ZNF674: variants seen among roughly 807,000 people sequenced by gnomAD.
The protein encoded by ZNF674 is zinc finger family member 674.
Under a neutral mutation model 7.0 loss-of-function variants are expected in ZNF674, and 2 were observed. The observed-to-expected ratio is 0.29, with a 90% confidence interval of 0.12 to 0.90. The LOEUF (loss-of-function observed/expected upper bound fraction) is 0.90, where lower values mean the gene tolerates loss of function less well. Ranked by LOEUF, ZNF674 falls within the 40% of genes least tolerant of loss-of-function variation. The pLI is 0.57. For missense variants in ZNF674, 297 were observed against 415.5 expected (o/e 0.71, Z 2.48); for synonymous variants, 103 against 145.2 (o/e 0.71, Z 2.09).
intron 3 of ZNF674, among the ~76,000 whole-genome samples, chrX:46,529,923 G>T (rs191628209): frequency 2.9e-3 from 320 of 111,408 alleles, no homozygotes; most frequent in Middle Eastern, 0.019. Flanking sequence ...AATCAATCAT[G>T]ACAAACCGTT....
intron 1 of ZNF674, among the ~76,000 whole-genome samples, chrX:46,545,071 T>C (rs747880935): frequency 1.3e-4 from 15 of 111,822 alleles, no homozygotes; most frequent in Non-Finnish European, 2.3e-4. Context: ...CCGTTTTCTC[T>C]CTATAACATG....
chrX:46,501,180 CA>C lies in ZNF674; in HGVS notation c.393del (p.Phe131LeufsTer4). ...TTAGGGAGTCTTTGTTTTACAGAAACAAAGTCTGTGTTGAGATAAATGATTT... is the reference window on the plus strand; with the variant it reads ...TTAGGGAGTCTTTGTTTTACAGAAACAAGTCTGTGTTGAGATAAATGATTT... ...CRKIIYLNTDFVSVKQRLPKY... is the reference protein window; with the variant it reads ...CRKIIYLNTDXVSVKQRLPKY... On this transcript the variant is annotated frameshift_variant, in exon 6 of 6. Coordinates refer to ENST00000683375, the MANE Select transcript of ZNF674 (RefSeq NM_001190417.2). LOFTEE classifies it low-confidence loss of function (END_TRUNC). The C allele has an allele frequency of 8.3e-7, 1 of 1,209,659 alleles. No homozygotes were observed. Among genetic ancestry groups the C allele is most frequent in the Non-Finnish European group, 1.1e-6 (1 of 894,400 alleles).
rs150754242 is a variant in ZNF674, at chrX:46,531,357, G to A, written c.16-2448C>T. ...TAATCAAACACCAGGAGGGAGTCAA[G>A]GGAACCCCTGATTTGTGTCCCATCA... On this transcript the variant is annotated intron_variant, in intron 3 of 5. Coordinates refer to ENST00000683375, the MANE Select transcript of ZNF674 (RefSeq NM_001190417.2). Among the ~76,000 whole-genome samples the A allele has an allele frequency of 2.9e-4, 33 of 112,053 alleles. No homozygotes were observed. The East Asian group carries it at 8.7e-3, about 29-fold the overall frequency.
At chrX:46,505,768 T>TCACACACA (rs56158505) in intron 5 of ZNF674, among the ~76,000 whole-genome samples, 1,191 of 100,172 alleles carry the variant, frequency 0.012, 16 homozygotes, top group African/African-American at 0.031. Flanking sequence ...CAAAACTCTG[T>TCACACACA]CACACACACA....
rs577705191 is a variant in ZNF674, at chrX:46,514,576, T to C, written c.239-13241A>G. Among the ~76,000 whole-genome samples, 8 of 111,818 alleles carry C rather than the reference T, an allele frequency of 7.2e-5. No homozygotes were observed. In the South Asian group the frequency reaches 3.0e-3, roughly 42 times the overall value. The stretch of plus-strand genomic sequence containing the variant: ...AGTGGCCCTTCCTGCATCAAGGAAA[T>C]TGCAGTCAGGGGACTCCAGCTAGGA... On this transcript the variant is annotated intron_variant, in intron 5 of 5. Coordinates refer to ENST00000683375, the MANE Select transcript of ZNF674 (RefSeq NM_001190417.2).
In ZNF674 at chrX:46,500,322, T is replaced by C; in HGVS notation, c.1252A>G (p.Ser418Gly). The change falls in exon 6 of 6, where the codon AGT becomes GGT. Residue 418 changes from serine (S) to glycine (G), a missense_variant. By Grantham distance (56) the Ser-to-Gly change is moderately conservative. Coordinates refer to ENST00000683375, the MANE Select transcript of ZNF674 (RefSeq NM_001190417.2). ...YECSICGKTF[S>G]GKSHLSVHHR... ...TGGACAGAGAGGTGTGACTTTCCAC[T>C]GAAAGTCTTCCCACATATACTACAT... is the stretch of plus-strand genomic sequence containing the variant. The C allele has an allele frequency of 1.7e-6, 2 of 1,209,382 alleles. No individual in the cohort carries two copies. Among genetic ancestry groups the C allele is most frequent in the South Asian group, 3.5e-5 (2 of 56,967 alleles).
rs749747886 is a variant in ZNF674, at chrX:46,521,111, C to T, written c.238+7239G>A. 4.7e-5 allele frequency among the ~76,000 whole-genome samples: 5 copies of T among 105,953 alleles called. No homozygotes were observed. The East Asian group carries it at 9.1e-4, about 19-fold the overall frequency. 92.0% of individuals were successfully genotyped at this position (105,953 alleles called of 115,157 possible). On this transcript the variant is annotated intron_variant, in intron 5 of 5. Coordinates refer to ENST00000683375, the MANE Select transcript of ZNF674 (RefSeq NM_001190417.2). ...CTGAGGCGGAAGAATCGCTTGAGCC[C>T]GGGAGGTGGAGGTTGCTCAGGAGGT...
At chrX:46,516,547 G>T (rs955585962) in intron 5 of ZNF674, among the ~76,000 whole-genome samples, 4 of 112,370 alleles carry the variant, frequency 3.6e-5, no homozygotes, top group African/African-American at 1.3e-4. Context: ...TGAAGGCTTT[G>T]AACACTGCAC....
chrX:46,512,103 G>A (rs1010275838), intron 5 of ZNF674, among the ~76,000 whole-genome samples: 149 of 106,044 alleles, frequency 1.4e-3, no homozygotes, highest in Middle Eastern at 6.1e-3. Flanking sequence ...GCTCACGCCT[G>A]TAATCCCAGC....
chrX:46,521,251 T>C (rs776553656), intron 5 of ZNF674, among the ~76,000 whole-genome samples: 4 of 109,426 alleles, frequency 3.7e-5, no homozygotes, highest in African/African-American at 1.3e-4. Flanking sequence ...ACAGTATGCT[T>C]GCAATAAAGC....
At chrX:46,514,711 CT>C (rs1941729444) in intron 5 of ZNF674, among the ~76,000 whole-genome samples, 1 of 112,142 alleles carries the variant, frequency 8.9e-6, no homozygotes, top group African/African-American at 3.2e-5. Flanking sequence ...TTAGGTCAAA[CT>C]TTTTTTGCCC....
At chrX:46,530,076 A>T (rs1367489763) in intron 3 of ZNF674, among the ~76,000 whole-genome samples, 1 of 111,749 alleles carries the variant, frequency 8.9e-6, no homozygotes, top group Non-Finnish European at 1.9e-5. Flanking sequence ...AGTGCCCCCA[A>T]TTCCTTGCAA....
rs759994127 is a variant in ZNF674, at chrX:46,500,172, C to G, written c.1402G>C (p.Glu468Gln). 15 of 1,209,078 alleles carry G rather than the reference C, an allele frequency of 1.2e-5. No homozygotes were observed. In the South Asian group the frequency reaches 2.6e-4, roughly 21 times the overall value. ...TTCTCACTAAAGGCTTTCCCACATT[C>G]GTTGCATTTATAGGGTTTCTCTCCT... ...HTGEKPYKCNECGKAFSEKSP... is the reference protein window; with the variant it reads ...HTGEKPYKCNQCGKAFSEKSP... The change falls in exon 6 of 6, where the codon GAA becomes CAA. Residue 468 changes from glutamate (E) to glutamine (Q), a missense_variant. By Grantham distance (29) the Glu-to-Gln change is conservative (BLOSUM62 2). Transcript: ENST00000683375.
At chrX:46,526,284 G>C (rs2146608024) in intron 5 of ZNF674, among the ~76,000 whole-genome samples, 1 of 111,695 alleles carries the variant, frequency 9.0e-6, no homozygotes, top group Non-Finnish European at 1.9e-5. Context: ...CTGTTCAACT[G>C]TTTGGTTTTT....
chrX:46,517,003 C>CAA (rs35119330), intron 5 of ZNF674, among the ~76,000 whole-genome samples: 1 of 84,945 alleles, frequency 1.2e-5, no homozygotes, highest in African/African-American at 4.3e-5. Context: ...AACTCTGTCT[C>CAA]AAAAAAAAAA....
chrX:46,512,110 C>T (rs1941667473), intron 5 of ZNF674, among the ~76,000 whole-genome samples: 1 of 111,823 alleles, frequency 8.9e-6, no homozygotes, highest in Admixed American at 9.5e-5. Flanking sequence ...CCTGTAATCC[C>T]AGCACTTTGG....
At chrX:46,542,258 C>T (rs371475409) in intron 2 of ZNF674, 142 bp from the exon 3 acceptor site, 5 of 368,736 alleles carry the variant, frequency 1.4e-5, no homozygotes, top group East Asian at 8.4e-5. Flanking sequence ...TTCCATGGGA[C>T]GCTACTAAGA....
At chrX:46,527,025 A>G (rs1261426501) in intron 5 of ZNF674, among the ~76,000 whole-genome samples, 1 of 111,897 alleles carries the variant, frequency 8.9e-6, no homozygotes, top group African/African-American at 3.2e-5. Context: ...CCAGCCCTCC[A>G]GGAGGCCAAG....
In ZNF674 at chrX:46,513,114, T is replaced by G. The variant is rs188804009; in HGVS notation, c.239-11779A>C. ...TCTGTCTCTACTAAAAATACAAAAA[T>G]TAGCTGGGCGTGGTGGCACACACCT... is the stretch of plus-strand genomic sequence containing the variant. On this transcript the variant is annotated intron_variant, in intron 5 of 5. Coordinates refer to ENST00000683375, the MANE Select transcript of ZNF674 (RefSeq NM_001190417.2). 5.2e-3 allele frequency among the ~76,000 whole-genome samples: 574 copies of G among 110,287 alleles called. 6 individuals carry two copies. Among genetic ancestry groups the G allele is most frequent in the East Asian group, 0.02 (68 of 3,479 alleles).
Sources: allele counts gnomAD v4.1 joint callset (sites outside exome capture counted in the v4.1 genomes callset), GRCh38; gene constraint gnomAD v4.1.1; transcripts MANE v1.5; gene names NCBI Gene and HGNC (gene_info 2026-07-23, HGNC 2026-07-21).